The following FIRRM variants were observed in gnomAD, a reference collection of about 807,000 sequenced individuals.
FIRRM encodes FIGNL1 interacting regulator of recombination and mitosis.
chr1:169,844,936 G>T, the FIRRM span, among the ~76,000 whole-genome samples: 1 of 152,106 alleles, frequency 6.6e-6, no homozygotes, highest in Admixed American at 6.6e-5. Context: ...CAGCCCAAGA[G>T]CTAGGCATGA....
the FIRRM span, among the ~76,000 whole-genome samples, chr1:169,786,714 A>G: frequency 6.6e-6 from 1 of 152,250 alleles, no homozygotes. Flanking sequence ...CATTTTAGAC[A>G]CACAGAAAGA....
At chr1:169,803,093 C>T in the FIRRM span, 14 of 1,317,830 alleles carry the variant, frequency 1.1e-5, no homozygotes, top group African/African-American at 1.7e-4. Context: ...GTATTTGTAG[C>T]ACCCAGCATG....
the FIRRM span, chr1:169,851,722 G>T: frequency 6.8e-7 from 1 of 1,476,714 alleles, no homozygotes; most frequent in Non-Finnish European, 9.2e-7. Context: ...TGCCTAGTAT[G>T]GTTGAACACT....
chr1:169,830,755 G>A, the FIRRM span: 2 of 1,613,494 alleles, frequency 1.2e-6, no homozygotes, highest in Non-Finnish European at 1.7e-6. Context: ...CTGGTGCGTA[G>A]AATTACAAGG....
chr1:169,793,675 G>A, the FIRRM span: 1 of 1,591,334 alleles, frequency 6.3e-7, no homozygotes, highest in East Asian at 2.2e-5. Flanking sequence ...CTTCTATAGT[G>A]AAATTAAACT....
At chr1:169,783,945 C>G in the FIRRM span, 1 of 152,192 alleles carries the variant, frequency 6.6e-6, no homozygotes, top group Admixed American at 6.6e-5. Flanking sequence ...GCCACCATGT[C>G]CAGCTAACTT....
chr1:169,796,231 T>C, the FIRRM span, among the ~76,000 whole-genome samples: 6 of 152,212 alleles, frequency 3.9e-5, no homozygotes, highest in Admixed American at 3.9e-4. Context: ...GAGTTTCAAC[T>C]TGAAAACAAA....
the FIRRM span, chr1:169,847,563 G>GT: frequency 1.5e-6 from 1 of 647,820 alleles, no homozygotes; most frequent in Non-Finnish European, 2.7e-6. Flanking sequence ...GCTGTGGTGT[G>GT]TTTGTTTTTT....
At chr1:169,823,233 A>G in the FIRRM span, among the ~76,000 whole-genome samples, 1 of 151,970 alleles carries the variant, frequency 6.6e-6, no homozygotes, top group Non-Finnish European at 1.5e-5. Flanking sequence ...CTGGGCAACA[A>G]GAGTGAAACG....
chr1:169,849,470 C>A, the FIRRM span: 1 of 1,505,758 alleles, frequency 6.6e-7, no homozygotes, highest in Non-Finnish European at 9.2e-7. Flanking sequence ...GGTTTCTTTT[C>A]TCTATTATAA....
chr1:169,806,442 CTG>C, the FIRRM span, among the ~76,000 whole-genome samples: 4 of 152,210 alleles, frequency 2.6e-5, no homozygotes, highest in Non-Finnish European at 5.9e-5. Context: ...ATAATTAAAA[CTG>C]AATATAATCT....
the FIRRM span, chr1:169,827,636 TCAAA>T: frequency 1.3e-6 from 2 of 1,556,324 alleles, no homozygotes; most frequent in Non-Finnish European, 1.8e-6. Flanking sequence ...AGACTCTGAC[TCAAA>T]CAAAAAAAAA....
At chr1:169,811,738 A>G in the FIRRM span, among the ~76,000 whole-genome samples, 2 of 150,836 alleles carry the variant, frequency 1.3e-5, no homozygotes, top group Admixed American at 1.3e-4. Flanking sequence ...AATAGATAAT[A>G]GACAGATTAT....
At chr1:169,802,530 A>G in the FIRRM span, 1 of 822,144 alleles carries the variant, frequency 1.2e-6, no homozygotes, top group Non-Finnish European at 1.9e-6. Flanking sequence ...GCAAAATCAA[A>G]TTATCGTATT....
chr1:169,853,986 T>C, the FIRRM span: 1 of 624,292 alleles, frequency 1.6e-6, no homozygotes. Flanking sequence ...AACCATAAAA[T>C]CCAGTAAAAA....
At chr1:169,787,229 T>C in the FIRRM span, among the ~76,000 whole-genome samples, 1 of 152,184 alleles carries the variant, frequency 6.6e-6, no homozygotes, top group Admixed American at 6.5e-5. Context: ...GAATACTTGC[T>C]TCTGTAGCCC....
the FIRRM span, chr1:169,800,777 G>C: frequency 2.6e-6 from 1 of 383,972 alleles, no homozygotes; most frequent in Non-Finnish European, 4.8e-6. Flanking sequence ...TATTTTGAAA[G>C]TGTATCAAGC....
the FIRRM span, among the ~76,000 whole-genome samples, chr1:169,799,459 A>G: frequency 6.6e-6 from 1 of 152,098 alleles, no homozygotes; most frequent in Non-Finnish European, 1.5e-5. Context: ...TGCTCAGTTT[A>G]CTCATATTTT....
chr1:169,821,615 A>T, the FIRRM span: 13 of 1,206,592 alleles, frequency 1.1e-5, no homozygotes, highest in Non-Finnish European at 1.4e-5. Flanking sequence ...CTCATTTGTA[A>T]GCTTAGCTAA....
Sources: allele counts gnomAD v4.1 joint callset (sites outside exome capture counted in the v4.1 genomes callset), GRCh38; gene constraint gnomAD v4.1.1; transcripts MANE v1.5; gene names NCBI Gene and HGNC (gene_info 2026-07-23, HGNC 2026-07-21).